The following RARB variants were observed in gnomAD, a reference collection of about 807,000 sequenced individuals.
The protein encoded by RARB is retinoic acid receptor beta.
RARB carries 17 observed loss-of-function variants against 51.9 expected under a neutral mutation model. That is an observed-to-expected ratio of 0.33 (90% CI 0.22 to 0.49). RARB has a LOEUF of 0.49. RARB is among the 20% of genes least tolerant of loss of function. The pLI, the probability that RARB is intolerant of heterozygous loss-of-function variation, is 0.99. For missense variants in RARB, 369 were observed against 550.8 expected (o/e 0.67, Z 3.30); for synonymous variants, 215 against 195.4 (o/e 1.10, Z -0.84).
intron 3 of RARB, among the ~76,000 whole-genome samples, chr3:25,530,345 T>C (rs560594063): frequency 9.5e-4 from 145 of 152,370 alleles, no homozygotes; most frequent in African/African-American, 3.1e-3. Flanking sequence ...ATCCTATTAC[T>C]GTGGTAACAA....
chr3:25,578,648 T>C (rs2125302302), intron 4 of RARB, among the ~76,000 whole-genome samples: 1 of 152,368 alleles, frequency 6.6e-6, no homozygotes, highest in South Asian at 2.1e-4. Context: ...GTGTACTGTA[T>C]ACCACCAAGG....
At chr3:25,274,765 C>G (rs1209185886) in intron 5 of RARB, among the ~76,000 whole-genome samples, 1 of 152,110 alleles carries the variant, frequency 6.6e-6, no homozygotes, top group African/African-American at 2.4e-5. Flanking sequence ...TTTATATAGT[C>G]TTTTCATTAT....
At chr3:25,304,319 G>A (rs1324897099) in intron 5 of RARB, among the ~76,000 whole-genome samples, 1 of 152,036 alleles carries the variant, frequency 6.6e-6, no homozygotes, top group Non-Finnish European at 1.5e-5. Context: ...CCACATCTTT[G>A]CCCAAGCTTT....
intron 5 of RARB, among the ~76,000 whole-genome samples, chr3:25,293,236 T>C (rs1490801221): frequency 6.6e-6 from 1 of 152,122 alleles, no homozygotes; most frequent in Non-Finnish European, 1.5e-5. Flanking sequence ...GAATTTTCAG[T>C]GTTCAAATGC....
At chr3:25,346,471 A>G (rs6775569) in intron 5 of RARB, among the ~76,000 whole-genome samples, 58,732 of 151,984 alleles carry the variant, frequency 0.39, 11,688 homozygotes, top group South Asian at 0.49. Flanking sequence ...AAACAAATTA[A>G]CATTTTTATT....
chr3:25,260,042 G>T (rs903518211), intron 5 of RARB: 6 of 957,886 alleles, frequency 6.3e-6, no homozygotes, highest in Non-Finnish European at 7.5e-6. Flanking sequence ...TTCCCCCATG[G>T]TGTGAGTTCG....
chr3:25,528,363 G>A (rs1698746004), intron 3 of RARB, among the ~76,000 whole-genome samples: 1 of 152,104 alleles, frequency 6.6e-6, no homozygotes, highest in Non-Finnish European at 1.5e-5. Context: ...GTGTAAAATT[G>A]TCCTGTGAAA....
chr3:25,455,342 T>C (rs1030659362), intron 1 of RARB, among the ~76,000 whole-genome samples: 2 of 152,076 alleles, frequency 1.3e-5, no homozygotes, highest in Non-Finnish European at 2.9e-5. Context: ...GACTAAGAAA[T>C]GGTGCTTCAC....
At chr3:25,370,861 A>G (rs1410012179) in intron 5 of RARB, among the ~76,000 whole-genome samples, 1 of 152,190 alleles carries the variant, frequency 6.6e-6, no homozygotes, top group East Asian at 1.9e-4. Context: ...AGTTGCACTC[A>G]CTCCAGAGTC....
chr3:25,174,513 C>T (rs566009784), exon 5 of RARB: 12 of 1,352,174 alleles, frequency 8.9e-6, no homozygotes, highest in Middle Eastern at 2.1e-4. Flanking sequence ...CTTTCCCTGC[C>T]TCCCCTCCAT....
chr3:24,974,799 C>T lies in RARB; in HGVS notation c.-379-85326C>T, dbSNP rs142434723. Among the ~76,000 whole-genome samples, 179 of 152,234 alleles carry T rather than the reference C, an allele frequency of 1.2e-3. 1 individual carries two copies. Among genetic ancestry groups the T allele is most frequent in the Non-Finnish European group, 2.0e-3 (135 of 68,012 alleles). On this transcript the variant is annotated intron_variant, in intron 2 of 11. Transcript: ENST00000383772. ...AATAAGTATAAGGAACACTCTCAAC[C>T]GTTAACATTTTAAAGAAGATGAAAG...
intron 1 of RARB, among the ~76,000 whole-genome samples, chr3:25,450,097 T>C (rs1213843288): frequency 1.3e-5 from 2 of 152,114 alleles, no homozygotes; most frequent in Non-Finnish European, 2.9e-5. Context: ...GATGTACTAA[T>C]AGATGAAAAA....
At chr3:25,412,666 T>C (rs1306543945) in intron 5 of RARB, among the ~76,000 whole-genome samples, 2 of 152,228 alleles carry the variant, frequency 1.3e-5, no homozygotes, top group Non-Finnish European at 2.9e-5. Flanking sequence ...CATAAATGTA[T>C]ACAGCTTAGT....
intron 2 of RARB, among the ~76,000 whole-genome samples, chr3:24,915,603 A>T (rs1695090602): frequency 6.6e-6 from 1 of 152,130 alleles, no homozygotes. Context: ...TTGTTTCATG[A>T]AGGTTTTTAA....
At chr3:25,375,271 G>A (rs1227309572) in intron 5 of RARB, among the ~76,000 whole-genome samples, 1 of 152,250 alleles carries the variant, frequency 6.6e-6, no homozygotes, top group East Asian at 1.9e-4. Context: ...TGATAACAAT[G>A]TATTTCTACC....
At chr3:25,482,521 ATTTTTTTTTTTTTTTT>A (rs71087718) in intron 2 of RARB, among the ~76,000 whole-genome samples, 20 of 65,790 alleles carry the variant, frequency 3.0e-4, no homozygotes, top group East Asian at 1.1e-3. Context: ...TAGCAGCCAA[ATTTTTTTTTTTTTTTT>A]TTTTTTTTTT....
chr3:25,413,586 C>T (rs914414863), intron 5 of RARB, among the ~76,000 whole-genome samples: 1 of 151,620 alleles, frequency 6.6e-6, no homozygotes, highest in Non-Finnish European at 1.5e-5. Flanking sequence ...TGCAAATTTC[C>T]ATTCCCACTG....
At chr3:25,286,923 A>T (rs1461045466) in intron 5 of RARB, among the ~76,000 whole-genome samples, 1 of 152,208 alleles carries the variant, frequency 6.6e-6, no homozygotes. Context: ...AAGAAAATTT[A>T]TGTATCATGG....
chr3:25,007,057 A>G (rs1697287631), intron 2 of RARB, among the ~76,000 whole-genome samples: 1 of 152,188 alleles, frequency 6.6e-6, no homozygotes, highest in African/African-American at 2.4e-5. Flanking sequence ...AAGAAACTTG[A>G]AAACTGTGAT....
Sources: gnomAD v4.1 joint callset for allele counts (sites outside exome capture counted in the v4.1 genomes callset) on GRCh38, gnomAD v4.1.1 for gene constraint, MANE v1.5 for transcripts, NCBI Gene and HGNC (gene_info 2026-07-23, HGNC 2026-07-21) for gene names.